The following TRPM3 variants were observed in gnomAD, a reference collection of about 807,000 sequenced individuals.
TRPM3 encodes long transient receptor potential channel 3.
In TRPM3, 77 loss-of-function variants were observed where a neutral mutation model predicts 181.2. The observed-to-expected ratio is 0.42, with a 90% confidence interval of 0.35 to 0.51. The LOEUF is 0.51. Among genes scored for constraint, TRPM3 ranks in the 20% least tolerant of loss-of-function variants. The pLI is 0.01. For missense variants in TRPM3, 1,759 were observed against 2,196.7 expected (o/e 0.80, Z 3.98); for synonymous variants, 745 against 796.4 (o/e 0.94, Z 1.09).
intron 6 of TRPM3, among the ~76,000 whole-genome samples, chr9:70,802,778 A>G (rs2089494451): frequency 6.6e-6 from 1 of 152,118 alleles, no homozygotes; most frequent in African/African-American, 2.4e-5. Flanking sequence ...TTTAATAGGG[A>G]TTTCACTGCA....
chr9:70,562,615 G>A (rs2049395876), intron 22 of TRPM3, among the ~76,000 whole-genome samples: 1 of 149,692 alleles, frequency 6.7e-6, no homozygotes, highest in Admixed American at 6.7e-5. Flanking sequence ...TGTGTGTGTT[G>A]GGCAGGGGGG....
intron 1 of TRPM3, among the ~76,000 whole-genome samples, chr9:70,923,352 G>T (rs1473902056): frequency 3.9e-5 from 6 of 152,056 alleles, no homozygotes; most frequent in Non-Finnish European, 5.9e-5. Flanking sequence ...AGGATATATA[G>T]AGAGGATAAA....
chr9:70,611,027 A>G, intron 18 of TRPM3, among the ~76,000 whole-genome samples: 1 of 152,192 alleles, frequency 6.6e-6, no homozygotes, highest in East Asian at 1.9e-4. Flanking sequence ...GATGATACCC[A>G]GAGTCCAGAG....
intron 1 of TRPM3, among the ~76,000 whole-genome samples, chr9:70,990,431 A>T (rs2097467666): frequency 6.6e-6 from 1 of 152,188 alleles, no homozygotes; most frequent in African/African-American, 2.4e-5. Flanking sequence ...TAAAACAAAC[A>T]GTACAGTTTA....
intron 1 of TRPM3, among the ~76,000 whole-genome samples, chr9:71,191,022 G>A (rs2077989722): frequency 6.6e-6 from 1 of 151,812 alleles, no homozygotes; most frequent in Non-Finnish European, 1.5e-5. Flanking sequence ...TAATAGTTTA[G>A]ACATATTTTC....
chr9:71,255,679 A>T (rs1046220948), intron 1 of TRPM3, among the ~76,000 whole-genome samples: 8 of 152,206 alleles, frequency 5.3e-5, no homozygotes, highest in Non-Finnish European at 1.2e-4. Context: ...GAGCAAAAAC[A>T]TACCTTTGCC....
chr9:70,551,037 A>AG (rs2046338229), intron 24 of TRPM3, among the ~76,000 whole-genome samples: 1 of 152,226 alleles, frequency 6.6e-6, no homozygotes, highest in African/African-American at 2.4e-5. Flanking sequence ...TGAGACTCAA[A>AG]GGAGTATATT....
At chr9:70,799,897 C>G (rs1358355239) in intron 6 of TRPM3, among the ~76,000 whole-genome samples, 3 of 152,162 alleles carry the variant, frequency 2.0e-5, no homozygotes, top group Non-Finnish European at 4.4e-5. Context: ...TCTCCACCTG[C>G]CTGACTCTCT....
chr9:70,985,607 T>C (rs1470226246), intron 1 of TRPM3, among the ~76,000 whole-genome samples: 1 of 152,212 alleles, frequency 6.6e-6, no homozygotes, highest in Non-Finnish European at 1.5e-5. Flanking sequence ...AGTTGTCTTC[T>C]AAATTCATCT....
At chr9:70,538,510 C>G (rs773736815) in intron 25 of TRPM3, among the ~76,000 whole-genome samples, 8 of 152,142 alleles carry the variant, frequency 5.3e-5, no homozygotes, top group Non-Finnish European at 1.0e-4. Flanking sequence ...CTCACTGCAG[C>G]CTCAACCTCC....
At chr9:70,693,524 A>ATATT (rs775434342) in intron 8 of TRPM3, among the ~76,000 whole-genome samples, 2 of 152,106 alleles carry the variant, frequency 1.3e-5, no homozygotes, top group African/African-American at 2.4e-5. Flanking sequence ...AGATGGAACT[A>ATATT]TATTTTCTGT....
chr9:71,303,521 G>A (rs1026029860), intron 1 of TRPM3, among the ~76,000 whole-genome samples: 13 of 152,142 alleles, frequency 8.5e-5, no homozygotes, highest in African/African-American at 1.9e-4. Flanking sequence ...AAATACATGC[G>A]TGAGCAATCC....
chr9:70,636,769 CCTCCACCTCCAGGGTTCAAGATATT>C (rs2057281095), intron 11 of TRPM3, among the ~76,000 whole-genome samples: 1 of 149,738 alleles, frequency 6.7e-6, no homozygotes, highest in Admixed American at 6.8e-5. Context: ...CTCACTGCAA[CCTCCACCTCCAGGGTTCAAGATATT>C]CTCCTGTCTC....
At chr9:71,167,428 A>T (rs1408421491) in intron 1 of TRPM3, among the ~76,000 whole-genome samples, 1 of 151,240 alleles carries the variant, frequency 6.6e-6, no homozygotes, top group African/African-American at 2.4e-5. Flanking sequence ...TACCAGAATA[A>T]TGCCTGCCTC....
At chr9:71,106,516 T>G (rs531069030) in intron 1 of TRPM3, among the ~76,000 whole-genome samples, 1 of 152,252 alleles carries the variant, frequency 6.6e-6, no homozygotes, top group African/African-American at 2.4e-5. Context: ...GATTGTAAGC[T>G]TCCTGAGGCC....
At chr9:71,385,623 AT>A (rs1229121727) in intron 1 of TRPM3, among the ~76,000 whole-genome samples, 1 of 152,212 alleles carries the variant, frequency 6.6e-6, no homozygotes, top group Non-Finnish European at 1.5e-5. Context: ...CTTATCTACA[AT>A]TTTTGAAAAG....
At chr9:71,157,605 T>A (rs2076071785) in intron 1 of TRPM3, among the ~76,000 whole-genome samples, 1 of 152,104 alleles carries the variant, frequency 6.6e-6, no homozygotes, top group Non-Finnish European at 1.5e-5. Flanking sequence ...CCGTTCTGAG[T>A]TTCTATTAGT....
chr9:70,664,571 C>T (rs1050034589), intron 9 of TRPM3, among the ~76,000 whole-genome samples: 1 of 151,712 alleles, frequency 6.6e-6, no homozygotes, highest in African/African-American at 2.4e-5. Context: ...GTGTTTATCC[C>T]CAGGTAGCCT....
chr9:71,431,542 C>A (rs1192929783), intron 1 of TRPM3, among the ~76,000 whole-genome samples: 1 of 152,100 alleles, frequency 6.6e-6, no homozygotes, highest in Non-Finnish European at 1.5e-5. Context: ...AAGAAATCAT[C>A]TTTGTGAGGG....
Sources: gnomAD v4.1 joint callset for allele counts (sites outside exome capture counted in the v4.1 genomes callset) on GRCh38, gnomAD v4.1.1 for gene constraint, MANE v1.5 for transcripts, NCBI Gene and HGNC (gene_info 2026-07-23, HGNC 2026-07-21) for gene names.